Variants in PARG observed in about 807,000 individuals in gnomAD.
The protein encoded by PARG is poly(ADP-ribose) glycohydrolase, also known as mitochondrial poly(ADP-ribose) glycohydrolase.
A neutral mutation model predicts 113.0 loss-of-function variants in PARG; 35 were observed. That is an observed-to-expected ratio of 0.31 (90% confidence interval 0.24 to 0.41). The LOEUF is 0.41. PARG is among the 10% of genes least tolerant of loss of function. The pLI, the probability that PARG is intolerant of heterozygous loss-of-function variation, is 1.00. For missense variants in PARG, 797 were observed against 1,169.4 expected (o/e 0.68, Z 4.64); for synonymous variants, 330 against 409.9 (o/e 0.81, Z 2.36).
intron 7 of PARG, among the ~76,000 whole-genome samples, chr10:49,902,733 G>A (rs1470789262): frequency 6.6e-6 from 1 of 152,164 alleles, no homozygotes. Context: ...GTTCATGCCT[G>A]TAATCTCAGC....
In PARG at chr10:49,941,602, T is replaced by C; in HGVS notation, c.124A>G (p.Lys42Glu). 3 of 1,577,880 alleles carry C rather than the reference T, an allele frequency of 1.9e-6. No homozygotes were observed. Among genetic ancestry groups the C allele is most frequent in the Non-Finnish European group, 2.6e-6 (3 of 1,162,838 alleles). ...ACCCTGAACTGCACGTGAGCGTCCT[T>C]GGGGTCGAGGACGCGCCTCTGCCTG... ...PSRQRRVLDPKDAHVQFRVPP... is the reference protein window; with the variant it reads ...PSRQRRVLDPEDAHVQFRVPP... The change falls in exon 1 of 18, where the codon AAG becomes GAG. Residue 42 changes from lysine to glutamate, a missense_variant. By Grantham distance (56) the Lys-to-Glu change is moderately conservative. This residue lies in a region of PARG where 284 missense variants were observed against 306.1 expected (regional missense o/e 0.93). Coordinates refer to ENST00000616448, the MANE Select transcript of PARG (RefSeq NM_003631.5).
chr10:49,917,136 A>G (rs1215629262), intron 6 of PARG, among the ~76,000 whole-genome samples: 1 of 152,214 alleles, frequency 6.6e-6, no homozygotes, highest in Non-Finnish European at 1.5e-5. Context: ...GATAGCCAGA[A>G]AGAGTGAAAG....
intron 9 of PARG, among the ~76,000 whole-genome samples, chr10:49,874,766 T>A (rs2573481): frequency 6.7e-6 from 1 of 149,984 alleles, no homozygotes; most frequent in Non-Finnish European, 1.5e-5. Context: ...AGGCAGGAGA[T>A]TGGTGTGAAC....
In PARG at chr10:49,935,145, A is replaced by C; in HGVS notation, c.218-3T>G. 1 of 741,012 alleles carries C rather than the reference A, an allele frequency of 1.3e-6. No homozygotes were observed. 45.9% of individuals were successfully genotyped at this position (741,012 alleles called of 1,614,324 possible). On this transcript the variant is annotated splice_region_variant and splice_polypyrimidine_tract_variant and intron_variant, in intron 1 of 17. Coordinates refer to ENST00000616448, the MANE Select transcript of PARG (RefSeq NM_003631.5). ...GGTAATAGTCTTTTGTTTGAAAACT[A>C]TAAAAAAAAATGTATATTCATACAT...
chr10:49,854,545 T>C (rs1373491309), intron 13 of PARG, among the ~76,000 whole-genome samples: 7 of 151,308 alleles, frequency 4.6e-5, no homozygotes, highest in Non-Finnish European at 8.8e-5. Flanking sequence ...TGCGTGCCCA[T>C]GGCCATATGA....
At chr10:49,820,626 G>T (rs1040971472) in intron 16 of PARG, among the ~76,000 whole-genome samples, 3 of 151,624 alleles carry the variant, frequency 2.0e-5, no homozygotes, top group African/African-American at 7.3e-5. Flanking sequence ...GGAGGCTGAA[G>T]CAGGAGAATT....
chr10:49,818,976 C>T lies in PARG; in HGVS notation c.*364G>A, dbSNP rs1049286753. The T allele has an allele frequency of 2.4e-4, 39 of 159,520 alleles. No homozygotes were observed. Among genetic ancestry groups the T allele is most frequent in the Non-Finnish European group, 1.9e-4 (14 of 72,996 alleles). The allele number at this position is 159,520 out of a possible 1,614,324, so 9.9% of individuals were successfully genotyped here. A position where few individuals can be genotyped will look rare whatever the true frequency, so the allele number is the denominator to read the frequency against. ...TGTTTCCTGGCATCGCTGGCATCTG[C>T]GGGCTGCAGAAGCAACTGGTATAAT... is the stretch of plus-strand genomic sequence containing the variant. On this transcript the variant is annotated 3_prime_UTR_variant, in exon 18 of 18. Transcript: ENST00000616448.
intron 7 of PARG, among the ~76,000 whole-genome samples, chr10:49,889,749 A>T (rs1415307118): frequency 3.3e-5 from 5 of 152,222 alleles, no homozygotes; most frequent in Non-Finnish European, 1.5e-5. Context: ...AACTGACATG[A>T]GTGGCTACTG....
At chr10:49,901,566 A>G (rs1839500405) in intron 7 of PARG, among the ~76,000 whole-genome samples, 1 of 152,236 alleles carries the variant, frequency 6.6e-6, no homozygotes, top group African/African-American at 2.4e-5. Flanking sequence ...TAACAATATT[A>G]TAGTTTGAAC....
chr10:49,892,356 C>A (rs1250145469), intron 7 of PARG, among the ~76,000 whole-genome samples: 1 of 152,138 alleles, frequency 6.6e-6, no homozygotes, highest in Non-Finnish European at 1.5e-5. Flanking sequence ...TATTTCCTCC[C>A]CAAACTTCTT....
At chr10:49,883,530 G>A (rs2132642772) in intron 8 of PARG, among the ~76,000 whole-genome samples, 1 of 148,082 alleles carries the variant, frequency 6.8e-6, no homozygotes, top group South Asian at 2.2e-4. Flanking sequence ...TGGGCACGGT[G>A]GCTCATGCCT....
chr10:49,852,114 T>C (rs546352986), intron 13 of PARG, among the ~76,000 whole-genome samples: 133 of 152,366 alleles, frequency 8.7e-4, no homozygotes, highest in Non-Finnish European at 1.4e-3. Flanking sequence ...ATCAGGCAGA[T>C]AGATTGTAGT....
At chr10:49,902,884 G>A (rs1368005905) in intron 7 of PARG, among the ~76,000 whole-genome samples, 1 of 151,492 alleles carries the variant, frequency 6.6e-6, no homozygotes, top group African/African-American at 2.4e-5. Flanking sequence ...CCAGACTGGA[G>A]TGCAATGGCG....
intron 16 of PARG, among the ~76,000 whole-genome samples, chr10:49,823,364 G>A (rs1414901006): frequency 6.6e-6 from 1 of 152,072 alleles, no homozygotes; most frequent in East Asian, 1.9e-4. Flanking sequence ...ATATCGTTGA[G>A]TATTTCCCAG....
intron 13 of PARG, among the ~76,000 whole-genome samples, chr10:49,845,180 G>T (rs565612379): frequency 6.6e-6 from 1 of 152,144 alleles, no homozygotes; most frequent in Non-Finnish European, 1.5e-5. Flanking sequence ...ACATAAATTG[G>T]TGTAATAATT....
chr10:49,846,770 G>GTGTT (rs1554833409), intron 13 of PARG, among the ~76,000 whole-genome samples: 1 of 147,488 alleles, frequency 6.8e-6, no homozygotes, highest in African/African-American at 2.5e-5. Flanking sequence ...GTGTGTGTGT[G>GTGTT]TGTTTGTAAC....
At chr10:49,927,192 A>C (rs1184477118) in intron 4 of PARG, among the ~76,000 whole-genome samples, 2 of 151,954 alleles carry the variant, frequency 1.3e-5, no homozygotes, top group Non-Finnish European at 2.9e-5. Flanking sequence ...CGGTAGTCCC[A>C]GCTACTTAGG....
chr10:49,941,676 C>A lies in PARG; in HGVS notation c.50G>T (p.Gly17Val). The change falls in exon 1 of 18, where the codon GGC (glycine) becomes GTC (valine). Residue 17 changes from glycine to valine, a missense_variant. Around this residue, in one of 5 missense-constraint regions of PARG, gnomAD observed 27 missense variants for 54.3 expected, o/e 0.50. Coordinates refer to ENST00000616448, the MANE Select transcript of PARG (RefSeq NM_003631.5). ...AGCAGCCGGCGAAGTTGTAGCGGCG[C>A]CCCAGCGGGGTCGCTTGGTGCAGGG... ...CEPCTKRPRW[G>V]AATTSPAASD... 6.3e-7 allele frequency: 1 copy of A among 1,595,396 alleles called. No homozygotes were observed. Among genetic ancestry groups the A allele is most frequent in the South Asian group, 1.1e-5 (1 of 87,230 alleles).
chr10:49,819,520 G>A (rs1843962336), intron 17 of PARG, 26 bp from the exon 18 acceptor site: 1 of 1,534,562 alleles, frequency 6.5e-7, no homozygotes, highest in East Asian at 2.4e-5. Context: ...TCAGACCAGA[G>A]GCACATTAAA....
Sources: gnomAD v4.1 joint callset for allele counts (sites outside exome capture counted in the v4.1 genomes callset) on GRCh38, gnomAD v4.1.1 for gene constraint, gnomAD v4.1.1 regional missense constraint, MANE v1.5 for transcripts, NCBI Gene and HGNC (gene_info 2026-07-23, HGNC 2026-07-21) for gene names.